The following TCN2 variants were observed in gnomAD, a reference collection of about 807,000 sequenced individuals.
The protein encoded by TCN2 is transcobalamin 2, also known as transcobalamin-2.
In TCN2, 34 loss-of-function variants were observed where a neutral mutation model predicts 48.6. That is an observed-to-expected ratio of 0.70 (90% CI 0.53 to 0.93). The LOEUF (loss-of-function observed/expected upper bound fraction) is 0.93, where lower values mean the gene tolerates loss of function less well. TCN2 is among the 40% of genes least tolerant of loss of function. TCN2 has a pLI of 0.00. For synonymous variants in TCN2, 283 were observed against 212.5 expected, an observed-to-expected ratio of 1.33 and a Z score of -2.89; for missense variants, 652 against 526.1, an observed-to-expected ratio of 1.24 and a Z score of -2.34.
chr22:30,616,598 T>A (rs1256176405), intron 6 of TCN2, among the ~76,000 whole-genome samples: 2 of 151,652 alleles, frequency 1.3e-5, no homozygotes, highest in East Asian at 3.9e-4. Flanking sequence ...CCCAGGAGTT[T>A]GAGACCAGCC....
chr22:30,625,836 G>A (rs924831722), intron 8 of TCN2, among the ~76,000 whole-genome samples: 8 of 152,054 alleles, frequency 5.3e-5, no homozygotes, highest in African/African-American at 1.7e-4. Flanking sequence ...AGGCCCTAAG[G>A]CCTCCTGATA....
At chr22:30,621,414 G>GTTC (rs1325279523) in intron 7 of TCN2, among the ~76,000 whole-genome samples, 3 of 152,130 alleles carry the variant, frequency 2.0e-5, no homozygotes, top group Non-Finnish European at 4.4e-5. Flanking sequence ...CTGTTACTTT[G>GTTC]ACGGTCTCAC....
At chr22:30,609,778 G>T (rs1457742334) in intron 1 of TCN2, among the ~76,000 whole-genome samples, 1 of 152,196 alleles carries the variant, frequency 6.6e-6, no homozygotes, top group Non-Finnish European at 1.5e-5. Flanking sequence ...ATGTGCTTTG[G>T]TCTGGGCCCA....
chr22:30,624,080 A>ATATATAT lies in TCN2; in HGVS notation c.1222+998_1222+999insATATATT, dbSNP rs1384095160. 7.3e-5 allele frequency among the ~76,000 whole-genome samples: 3 copies of ATATATAT among 41,348 alleles called. 1 individual carries two copies. In the Admixed American group the frequency reaches 8.7e-4, roughly 12 times the overall value. The allele number at this position is 41,348 out of a possible 152,430, so 27.1% of individuals were successfully genotyped here. ...CACACACATATATATATATATATAT[A>ATATATAT]TTTTTTTTTTTTGAGATGGAGTCTT... is the stretch of plus-strand genomic sequence containing the variant. On this transcript the variant is annotated intron_variant, in intron 8 of 8. Transcript: ENST00000215838.
At chr22:30,612,225 A>G (rs911251146) in intron 2 of TCN2, among the ~76,000 whole-genome samples, 3 of 151,716 alleles carry the variant, frequency 2.0e-5, no homozygotes, top group African/African-American at 7.3e-5. Context: ...AGCCTGGGAG[A>G]CAGAGAGACC....
Position 30,607,272 on chromosome 22 carries a change from A to C in TCN2, c.-60A>C. 6.3e-7 allele frequency: 1 copy of C among 1,596,040 alleles called. No homozygotes were observed. Among genetic ancestry groups the C allele is most frequent in the Non-Finnish European group, 8.6e-7 (1 of 1,163,802 alleles). Reference sequence around the variant, plus strand: ...CAGCTGTGGTCAGGAGAGCCTCAGCAGGGCCAGCCCCAGGAGTCTTTCCCG... The same window carrying C: ...CAGCTGTGGTCAGGAGAGCCTCAGCCGGGCCAGCCCCAGGAGTCTTTCCCG... On this transcript the variant is annotated 5_prime_UTR_variant, in exon 1 of 9. Coordinates refer to ENST00000215838, the MANE Select transcript of TCN2 (RefSeq NM_000355.4).
At chr22:30,619,786 A>G (rs1602052148) in intron 7 of TCN2, among the ~76,000 whole-genome samples, 1 of 152,168 alleles carries the variant, frequency 6.6e-6, no homozygotes, top group East Asian at 1.9e-4. Flanking sequence ...TGAAGTACAA[A>G]CATTCTCCCA....
chr22:30,623,943 C>CATATATACACATACACACAT (rs1569046916), intron 8 of TCN2, among the ~76,000 whole-genome samples: 1 of 105,930 alleles, frequency 9.4e-6, no homozygotes. Flanking sequence ...TATATACACA[C>CATATATACACATACACACAT]ACACATATGT....
intron 6 of TCN2, among the ~76,000 whole-genome samples, chr22:30,616,852 A>C (rs905018445): frequency 6.6e-6 from 1 of 152,200 alleles, no homozygotes; most frequent in African/African-American, 2.4e-5. Context: ...AGGAAGAACA[A>C]AGACACAGAG....
intron 8 of TCN2, among the ~76,000 whole-genome samples, chr22:30,623,715 G>GTATACATATATAT (rs2087734996): frequency 2.9e-5 from 3 of 103,034 alleles, no homozygotes; most frequent in South Asian, 2.8e-4. Flanking sequence ...TATATATACA[G>GTATACATATATAT]ACACACATAT....
At position 30,615,721 on chromosome 22, in the gene TCN2, C is replaced by G; in HGVS notation, c.874C>G (p.Leu292Val). 1 of 1,614,240 alleles carries G rather than the reference C, an allele frequency of 6.2e-7. No individual in the cohort carries two copies. The highest frequency in any genetic ancestry group is 2.2e-5 in the East Asian group (1 of 44,888). The part of the protein sequence containing the change: ...AFQNALMISQ[L>V]LPVLNHKTYI... ...CCAGAATGCTCTCATGATTTCCCAG[C>G]TGCTGCCCGTTCTGAACCACAAGAC... The change falls in exon 6 of 9, where the codon CTG becomes GTG. Residue 292 changes from leucine (L) to valine (V), a missense_variant. Physicochemically the swap from Leu to Val is conservative, Grantham distance 32. Coordinates refer to ENST00000215838, the MANE Select transcript of TCN2 (RefSeq NM_000355.4).
At chr22:30,625,469 A>AT (rs1172402736) in intron 8 of TCN2, among the ~76,000 whole-genome samples, 20 of 148,446 alleles carry the variant, frequency 1.3e-4, no homozygotes, top group East Asian at 2.0e-4. Context: ...GTACTTAAAA[A>AT]TTTTTTTTTT....
Position 30,614,467 on chromosome 22 carries a change from T to C in TCN2, c.546T>C (p.Ala182=). 1.9e-6 allele frequency: 3 copies of C among 1,614,170 alleles called. No homozygotes were observed. The highest frequency in any genetic ancestry group is 1.7e-6 in the Non-Finnish European group (2 of 1,180,024). ...GCGTGGTGGACAAACTTCTGTATGC[T>C]GTGGAACCTTTCCACCAGGGCCACC... ...HDSVVDKLLY[A]VEPFHQGHHS... is the part of the protein sequence containing the mutation. Residue 182 remains alanine, a synonymous_variant, in exon 4 of 9, where the codon GCT becomes GCC. Transcript: ENST00000215838.
At position 30,607,370 on chromosome 22, in the gene TCN2, C is replaced by T. The variant is rs1189386088; in HGVS notation, c.39C>T (p.Val13=). Residue 13 remains valine, a synonymous_variant, in exon 1 of 9, where the codon GTC becomes GTT. Transcript: ENST00000215838. ...HLGAFLFLLG[V]LGALTEMCEI... The stretch of plus-strand genomic sequence containing the variant: ...GGGCCTTCCTCTTCCTTCTGGGGGT[C>T]CTGGGGGCCCTCACTGAGATGTGTG... The T allele has an allele frequency of 6.2e-7, 1 of 1,614,132 alleles. No individual in the cohort carries two copies. The highest frequency in any genetic ancestry group is 8.5e-7 in the Non-Finnish European group (1 of 1,180,026).
In TCN2 at chr22:30,624,360, C is replaced by T. The variant is rs2087771775; in HGVS notation, c.1222+1277C>T. ...AAGTGCTGGGATTACAGGCGTGAGC[C>T]ACCACGCCTGGCCTGCAAACAGACC... On this transcript the variant is annotated intron_variant, in intron 8 of 8. Coordinates refer to ENST00000215838, the MANE Select transcript of TCN2 (RefSeq NM_000355.4). Among the ~76,000 whole-genome samples the T allele has an allele frequency of 2.0e-5, 3 of 151,968 alleles. No homozygotes were observed. The South Asian group carries it at 6.2e-4, about 32-fold the overall frequency.
Position 30,615,261 on chromosome 22 carries a change from G to C in TCN2, c.581-40G>C, listed in dbSNP as rs756333730. 3.1e-6 allele frequency: 5 copies of C among 1,612,772 alleles called. No individual in the cohort carries two copies. In the South Asian group the frequency reaches 5.5e-5, roughly 18 times the overall value. ...AGCCCCTGCCTGTCCTGGCCCCTTT[G>C]GCTCTCCAGCTCATTGCATGTTCTG... On this transcript the variant is annotated intron_variant, in intron 4 of 8. Coordinates refer to ENST00000215838, the MANE Select transcript of TCN2 (RefSeq NM_000355.4).
At position 30,627,264 on chromosome 22, in the gene TCN2, T is replaced by G. The variant is rs147015527; in HGVS notation, c.*743T>G. ...AGCACTCACTCGCTAGATACTATCT[T>G]GAACTGCTCTGTGAGGTTGTTGATA... On this transcript the variant is annotated 3_prime_UTR_variant, in exon 9 of 9. Coordinates refer to ENST00000215838, the MANE Select transcript of TCN2 (RefSeq NM_000355.4). 1 of 154,450 alleles carries G rather than the reference T, an allele frequency of 6.5e-6. No homozygotes were observed. Among genetic ancestry groups the G allele is most frequent in the East Asian group, 1.9e-4 (1 of 5,190 alleles). 9.6% of individuals were successfully genotyped at this position (154,450 alleles called of 1,614,324 possible). A position where few individuals can be genotyped will look rare whatever the true frequency, so the allele number is the denominator to read the frequency against.
intron 7 of TCN2, among the ~76,000 whole-genome samples, chr22:30,622,349 C>CA (rs946709265): frequency 2.0e-5 from 3 of 152,182 alleles, no homozygotes; most frequent in African/African-American, 4.8e-5. Context: ...TGCAGAAACT[C>CA]AAAGTTGAAG....
At chr22:30,613,243 A>G (rs1363220160) in intron 3 of TCN2, among the ~76,000 whole-genome samples, 1 of 151,904 alleles carries the variant, frequency 6.6e-6, no homozygotes, top group Non-Finnish European at 1.5e-5. Flanking sequence ...CTGCACACAT[A>G]CTATTGACAG....
Sources: gnomAD v4.1 joint callset for allele counts (sites outside exome capture counted in the v4.1 genomes callset) on GRCh38, gnomAD v4.1.1 for gene constraint, MANE v1.5 for transcripts, NCBI Gene and HGNC (gene_info 2026-07-23, HGNC 2026-07-21) for gene names.